HSPA4: variants seen among roughly 807,000 people sequenced by gnomAD.
HSPA4 encodes heat shock protein family A (Hsp70) member 4, also known as heat shock 70 kDa protein 4.
A neutral mutation model predicts 106.2 loss-of-function variants in HSPA4; 25 were observed. The ratio of observed to expected loss-of-function variants is 0.24; its 90% confidence interval spans 0.17 to 0.33. The LOEUF is 0.33. Ranked by LOEUF, HSPA4 falls within the 10% of genes least tolerant of loss-of-function variation. HSPA4 has a pLI of 1.00. For synonymous variants in HSPA4, 332 were observed against 333.6 expected (o/e 1.00, Z 0.05); for missense variants, 841 against 996.0 (o/e 0.84, Z 2.10).
chr5:133,100,127 A>T (rs186490742), intron 16 of HSPA4, among the ~76,000 whole-genome samples: 153 of 148,550 alleles, frequency 1.0e-3, no homozygotes, highest in Non-Finnish European at 1.7e-3. Context: ...GCAGTGGCGC[A>T]GTCTCGGCTC....
intron 9 of HSPA4, 76 bp downstream of exon 9, chr5:133,088,631 AC>A: frequency 7.9e-7 from 1 of 1,273,022 alleles, no homozygotes; most frequent in South Asian, 1.3e-5. Flanking sequence ...GTATCTAATA[AC>A]CTGGGATTAG....
chr5:133,071,371 C>A (rs2126700732), intron 4 of HSPA4, among the ~76,000 whole-genome samples: 1 of 151,990 alleles, frequency 6.6e-6, no homozygotes, highest in African/African-American at 2.4e-5. Context: ...TCATTCGAGC[C>A]CAGGAGTTTG....
Position 133,097,060 on chromosome 5 carries a change from G to T in HSPA4, c.1804-101G>T, listed in dbSNP as rs544291859. 1.3e-4 allele frequency: 119 copies of T among 906,600 alleles called. No homozygotes were observed. The African/African-American group carries it at 1.8e-3, about 14-fold the overall frequency. 56.2% of individuals were successfully genotyped at this position (906,600 alleles called of 1,614,324 possible). A position where few individuals can be genotyped will look rare whatever the true frequency, so the allele number is the denominator to read the frequency against. On this transcript the variant is annotated intron_variant, in intron 14 of 18. Transcript: ENST00000304858. ...TGTTATGTGACTTGCAGAACTAAAA[G>T]GATTTGGGGAAGAAAGAGTCTCTAC...
rs181965236 is a variant in HSPA4, at chr5:133,074,467, G to A, written c.663+341G>A. ...CTAATTTTGTATTTTTAGTAGAGAC[G>A]GGGTTTATCCATGTTGGTCAGGCTG... On this transcript the variant is annotated intron_variant, in intron 6 of 18. Transcript: ENST00000304858. Among the ~76,000 whole-genome samples the A allele has an allele frequency of 3.3e-5, 5 of 152,152 alleles. No individual in the cohort carries two copies. In the South Asian group the frequency reaches 6.2e-4, roughly 19 times the overall value.
chr5:133,103,148 ACCT>A (rs1765810268), intron 17 of HSPA4, among the ~76,000 whole-genome samples: 1 of 146,804 alleles, frequency 6.8e-6, no homozygotes, highest in African/African-American at 2.5e-5. Context: ...TGCATCCTCA[ACCT>A]CCTGGGCTCA....
intron 15 of HSPA4, 67 bp downstream of exon 15, chr5:133,097,353 G>T (rs909939345): frequency 3.4e-6 from 5 of 1,454,006 alleles, no homozygotes; most frequent in Non-Finnish European, 4.8e-6. Flanking sequence ...GGGTTAGAAG[G>T]GAAGTGTGCA....
intron 1 of HSPA4, chr5:133,053,100 T>A (rs1301285071): frequency 6.6e-6 from 1 of 152,252 alleles, no homozygotes. Flanking sequence ...AACCAGTGTG[T>A]TGGCCACAAT....
rs1765418400 is a variant in HSPA4 at position 133,074,136 on chromosome 5, TA to T, written c.663+11del. ...TAGAGGAAAACTGAAAGTAAGTATA[TA>T]TTTTTTTTCCAGAAGACTGTTAGTA... On this transcript the variant is annotated intron_variant, in intron 6 of 18. Coordinates refer to ENST00000304858, the MANE Select transcript of HSPA4 (RefSeq NM_002154.4). 1 of 1,568,790 alleles carries T rather than the reference TA, an allele frequency of 6.4e-7. No individual in the cohort carries two copies. Among genetic ancestry groups the T allele is most frequent in the African/African-American group, 1.4e-5 (1 of 72,472 alleles).
Position 133,105,783 on chromosome 5 carries a change from T to A in HSPA4, c.*1347T>A, listed in dbSNP as rs202055921. 21 of 152,320 alleles carry A rather than the reference T, an allele frequency of 1.4e-4. No individual in the cohort carries two copies. In the East Asian group the frequency reaches 4.0e-3, roughly 29 times the overall value. The allele number at this position is 152,320 out of a possible 1,614,324, so 9.4% of individuals were successfully genotyped here. On this transcript the variant is annotated 3_prime_UTR_variant, in exon 19 of 19. Coordinates refer to ENST00000304858, the MANE Select transcript of HSPA4 (RefSeq NM_002154.4). ...AAGATGCTATCTTGCATAGTTAGAA[T>A]TAAGCGTTTGTCCATCTCTAGATAA... is the stretch of plus-strand genomic sequence containing the variant.
rs1410416642 is a variant in HSPA4 at position 133,074,144 on chromosome 5, T to C, written c.663+18T>C. The C allele has an allele frequency of 6.5e-7, 1 of 1,547,480 alleles. No individual in the cohort carries two copies. The highest frequency in any genetic ancestry group is 2.3e-5 in the East Asian group (1 of 43,976). On this transcript the variant is annotated intron_variant, in intron 6 of 18. Transcript: ENST00000304858. Reference sequence around the variant, plus strand: ...AACTGAAAGTAAGTATATATTTTTTTTCCAGAAGACTGTTAGTAGTATGGT... The same window carrying C: ...AACTGAAAGTAAGTATATATTTTTTCTCCAGAAGACTGTTAGTAGTATGGT...
At chr5:133,072,027 G>T (rs371008981) in intron 4 of HSPA4, among the ~76,000 whole-genome samples, 2 of 152,196 alleles carry the variant, frequency 1.3e-5, no homozygotes, top group South Asian at 4.2e-4. Flanking sequence ...ATAACACTCT[G>T]TGTGGGAGTA....
Position 133,073,262 on chromosome 5 carries a change from A to G in HSPA4, c.462A>G (p.Arg154=), listed in dbSNP as rs944730435. 1.2e-6 allele frequency: 2 copies of G among 1,611,012 alleles called. No homozygotes were observed. The highest frequency in any genetic ancestry group is 1.7e-6 in the Non-Finnish European group (2 of 1,178,590). Residue 154 remains arginine (R), a synonymous_variant, in exon 5 of 19, where the codon CGA becomes CGG. Coordinates refer to ENST00000304858, the MANE Select transcript of HSPA4 (RefSeq NM_002154.4). The stretch of plus-strand genomic sequence containing the variant: ...GTTTCTATACTGATGCAGAAAGACG[A>G]TCAGTGATGGATGCAACACAGATTG... The part of the protein sequence containing the change: ...VPCFYTDAER[R]SVMDATQIAG...
At chr5:133,073,363 G>C in intron 5 of HSPA4, 34 bp downstream of exon 5, 9 of 1,407,216 alleles carry the variant, frequency 6.4e-6, no homozygotes, top group South Asian at 4.8e-5. Context: ...TTTTGACTTG[G>C]TTAATCTTGA....
At chr5:133,055,760 A>G (rs1480084483) in intron 1 of HSPA4, among the ~76,000 whole-genome samples, 1 of 152,172 alleles carries the variant, frequency 6.6e-6, no homozygotes, top group Admixed American at 6.6e-5. Flanking sequence ...CAGTGAGAGT[A>G]TAGAATAAGC....
At chr5:133,055,914 C>T (rs1232345266) in intron 1 of HSPA4, among the ~76,000 whole-genome samples, 1 of 152,044 alleles carries the variant, frequency 6.6e-6, no homozygotes, top group African/African-American at 2.4e-5. Flanking sequence ...CCTGTCTCTA[C>T]TAAAAATACA....
rs944983412 is a variant in HSPA4, at chr5:133,077,998, T to C, written c.908+1100T>C. On this transcript the variant is annotated intron_variant, in intron 7 of 18. Transcript: ENST00000304858. ...CTAAGTAGATACTTATTAAGTAGTT[T>C]AAATTTTTTAAAAACTGAATTTGCC... 1.1e-4 allele frequency among the ~76,000 whole-genome samples: 17 copies of C among 152,192 alleles called. 1 individual carries two copies. The highest frequency in any genetic ancestry group is 6.5e-5 in the Admixed American group (1 of 15,278).
intron 13 of HSPA4, among the ~76,000 whole-genome samples, chr5:133,094,165 CAA>C (rs1337686297): frequency 6.6e-6 from 1 of 152,096 alleles, no homozygotes; most frequent in Non-Finnish European, 1.5e-5. Context: ...GTATTTATTT[CAA>C]AAAGAGTAGT....
intron 13 of HSPA4, 54 bp downstream of exon 13, chr5:133,092,843 CAG>C (rs1765665749): frequency 3.7e-6 from 3 of 802,532 alleles, no homozygotes; most frequent in Admixed American, 3.7e-5. Context: ...TTTTTTGAGA[CAG>C]AGTTTCAGTC....
chr5:133,063,802 G>T (rs1290732251), intron 1 of HSPA4, among the ~76,000 whole-genome samples: 2 of 145,702 alleles, frequency 1.4e-5, no homozygotes, highest in African/African-American at 5.1e-5. Context: ...TTGCTCTGTT[G>T]CCAGGCTGGA....
Sources: gnomAD v4.1 joint callset for allele counts (sites outside exome capture counted in the v4.1 genomes callset) on GRCh38, gnomAD v4.1.1 for gene constraint, MANE v1.5 for transcripts, NCBI Gene and HGNC (gene_info 2026-07-23, HGNC 2026-07-21) for gene names.